Variants in ECPAS observed in about 807,000 individuals in gnomAD.
ECPAS encodes proteasome adapter and scaffold protein ECM29.
ECPAS carries 70 observed loss-of-function variants against 255.1 expected under a neutral mutation model. The ratio of observed to expected loss-of-function variants is 0.27; its 90% CI spans 0.23 to 0.33. The LOEUF (loss-of-function observed/expected upper bound fraction) is 0.33. Ranked by LOEUF, ECPAS falls within the 10% of genes least tolerant of loss-of-function variation. The pLI is 1.00. For synonymous variants in ECPAS, 784 were observed against 775.0 expected (o/e 1.01, Z -0.19); for missense variants, 1,817 against 2,206.4 (o/e 0.82, Z 3.54).
intron 10 of ECPAS, among the ~76,000 whole-genome samples, chr9:111,426,599 C>T (rs2098221979): frequency 6.6e-6 from 1 of 151,414 alleles, no homozygotes; most frequent in Non-Finnish European, 1.5e-5. Flanking sequence ...CTCACACCTA[C>T]AGTCCCAGCT....
At chr9:111,377,608 T>C (rs2098134877) in intron 36 of ECPAS, among the ~76,000 whole-genome samples, 1 of 152,362 alleles carries the variant, frequency 6.6e-6, no homozygotes, top group South Asian at 2.1e-4. Context: ...CGATATACTG[T>C]TAATTTAAAA....
At chr9:111,478,655 T>C (rs188875030) in intron 1 of ECPAS, among the ~76,000 whole-genome samples, 3 of 152,354 alleles carry the variant, frequency 2.0e-5, no homozygotes, top group East Asian at 1.9e-4. Context: ...TAAATTGATA[T>C]GACGTAAATT....
chr9:111,469,059 A>G (rs570091030), intron 2 of ECPAS, among the ~76,000 whole-genome samples: 2 of 152,332 alleles, frequency 1.3e-5, no homozygotes, highest in East Asian at 3.9e-4. Flanking sequence ...AACCCAAATG[A>G]GGCCAGCAGG....
chr9:111,391,766 T>C lies in ECPAS; in HGVS notation c.3151A>G (p.Thr1051Ala), dbSNP rs771812246. 1.2e-6 allele frequency: 2 copies of C among 1,604,120 alleles called. No individual in the cohort carries two copies. Among genetic ancestry groups the C allele is most frequent in the South Asian group, 2.2e-5 (2 of 90,058 alleles). ...VVFQGGALGKTPDGQGLSTYK... is the reference protein window; with the variant it reads ...VVFQGGALGKAPDGQGLSTYK... Reference sequence around the variant, plus strand: ...ATTTAGCATACTTACCCATCTGGTGTTTTGCCAAGAGCTCCCCCTTGAAAT... The same window carrying C: ...ATTTAGCATACTTACCCATCTGGTGCTTTGCCAAGAGCTCCCCCTTGAAAT... Residue 1051 changes from threonine (T) to alanine (A), a missense_variant, in exon 29 of 50, where the codon ACA becomes GCA. Thr to Ala is a moderately conservative substitution (Grantham distance 58). Coordinates refer to ENST00000684092, the MANE Select transcript of ECPAS (RefSeq NM_001364929.1).
At chr9:111,367,441 T>A (rs1371672557) in intron 46 of ECPAS, among the ~76,000 whole-genome samples, 1 of 152,224 alleles carries the variant, frequency 6.6e-6, no homozygotes, top group Non-Finnish European at 1.5e-5. Context: ...CAACCTTCTA[T>A]GTCTTATATT....
rs1313821520 is a variant in ECPAS at position 111,484,168 on chromosome 9, T to TGAGGGCTGTAGAGCGAGGC, written c.-154_-136dup. On this transcript the variant is annotated 5_prime_UTR_variant, in exon 1 of 50. Transcript: ENST00000684092. ...GGACGCTGCGCTCGGCGCCGCGAGG[T>TGAGGGCTGTAGAGCGAGGC]GAGGGCTGTAGAGCGAGGCGTTCGG... 3 of 1,478,014 alleles carry TGAGGGCTGTAGAGCGAGGC rather than the reference T, an allele frequency of 2.0e-6. No individual in the cohort carries two copies. Among genetic ancestry groups the TGAGGGCTGTAGAGCGAGGC allele is most frequent in the Non-Finnish European group, 1.8e-6 (2 of 1,117,246 alleles). 91.6% of individuals were successfully genotyped at this position (1,478,014 alleles called of 1,614,324 possible). A position where few individuals can be genotyped will look rare whatever the true frequency, so the allele number is the denominator to read the frequency against.
chr9:111,484,224 A>T lies in ECPAS; in HGVS notation c.-191T>A. 2 of 1,468,114 alleles carry T rather than the reference A, an allele frequency of 1.4e-6. No individual in the cohort carries two copies. Among genetic ancestry groups the T allele is most frequent in the Non-Finnish European group, 1.8e-6 (2 of 1,114,042 alleles). 90.9% of individuals were successfully genotyped at this position (1,468,114 alleles called of 1,614,324 possible). ...CGGGCCCCGGGGAGCCGCGCGCCGC[A>T]GTCCGTGAGGGGCTGGGCCGAGCGG... On this transcript the variant is annotated 5_prime_UTR_variant, in exon 1 of 50. Coordinates refer to ENST00000684092, the MANE Select transcript of ECPAS (RefSeq NM_001364929.1).
At chr9:111,461,774 A>C (rs947239612) in intron 2 of ECPAS, among the ~76,000 whole-genome samples, 1 of 152,222 alleles carries the variant, frequency 6.6e-6, no homozygotes, top group African/African-American at 2.4e-5. Context: ...CAAAGGAAAG[A>C]GGTTTAATGG....
At chr9:111,418,383 A>G (rs1051574115) in intron 16 of ECPAS, among the ~76,000 whole-genome samples, 3 of 152,202 alleles carry the variant, frequency 2.0e-5, no homozygotes, top group African/African-American at 7.2e-5. Flanking sequence ...CACTCCACCC[A>G]AAGTCTTACA....
chr9:111,477,244 G>T (rs1267159865), intron 1 of ECPAS, among the ~76,000 whole-genome samples: 2 of 151,804 alleles, frequency 1.3e-5, no homozygotes, highest in Non-Finnish European at 2.9e-5. Context: ...AAGAAGCTGG[G>T]ACTACAGGTG....
chr9:111,380,036 T>C (rs747066545), intron 35 of ECPAS, among the ~76,000 whole-genome samples: 1 of 152,230 alleles, frequency 6.6e-6, no homozygotes, highest in African/African-American at 2.4e-5. Flanking sequence ...GCACCTACAA[T>C]GGTAAGCCCT....
chr9:111,426,299 A>G (rs1267149915), intron 10 of ECPAS, among the ~76,000 whole-genome samples: 1 of 152,102 alleles, frequency 6.6e-6, no homozygotes, highest in African/African-American at 2.4e-5. Flanking sequence ...AGCAAGTTCA[A>G]TATTAACCAA....
At chr9:111,395,187 A>G (rs73656242) in intron 25 of ECPAS, among the ~76,000 whole-genome samples, 8,470 of 152,072 alleles carry the variant, frequency 0.056, 568 homozygotes, top group African/African-American at 0.15. Flanking sequence ...TGTAACCACA[A>G]CTCTAGCTGC....
At chr9:111,400,068 A>G (rs2098173418) in intron 24 of ECPAS, among the ~76,000 whole-genome samples, 1 of 152,164 alleles carries the variant, frequency 6.6e-6, no homozygotes, top group African/African-American at 2.4e-5. Flanking sequence ...CACTCCCTCT[A>G]CCTGGGGGAG....
intron 10 of ECPAS, among the ~76,000 whole-genome samples, chr9:111,426,236 G>C (rs2098221372): frequency 6.6e-6 from 1 of 152,094 alleles, no homozygotes; most frequent in African/African-American, 2.4e-5. Flanking sequence ...AAGTATTATG[G>C]AACCACATCT....
At position 111,375,563 on chromosome 9, in the gene ECPAS, C is replaced by T. The variant is rs545526911; in HGVS notation, c.4021-361G>A. ...TATTGATCTTCTACAGTGGGCCTAC[C>T]CTACCAAACCCCCTCTAATGAGTCA... is the stretch of plus-strand genomic sequence containing the variant. On this transcript the variant is annotated intron_variant, in intron 37 of 49. Coordinates refer to ENST00000684092, the MANE Select transcript of ECPAS (RefSeq NM_001364929.1). Among the ~76,000 whole-genome samples, 4 of 152,184 alleles carry T rather than the reference C, an allele frequency of 2.6e-5. No individual in the cohort carries two copies. In the South Asian group the frequency reaches 8.3e-4, roughly 32 times the overall value.
chr9:111,422,231 T>C (rs1488374093), intron 13 of ECPAS, 31 bp from the exon 14 acceptor site: 1 of 1,591,162 alleles, frequency 6.3e-7, no homozygotes, highest in South Asian at 1.1e-5. Flanking sequence ...ATTGTTACTA[T>C]CATAAATTTC....
chr9:111,458,977 T>A (rs1308555879), intron 2 of ECPAS, among the ~76,000 whole-genome samples: 1 of 151,866 alleles, frequency 6.6e-6, no homozygotes, highest in African/African-American at 2.4e-5. Flanking sequence ...CCTGAGGGGG[T>A]CCATGGAGAC....
chr9:111,397,741 T>C (rs965930528), intron 24 of ECPAS, among the ~76,000 whole-genome samples: 2 of 152,206 alleles, frequency 1.3e-5, no homozygotes, highest in Non-Finnish European at 2.9e-5. Flanking sequence ...TTAAATTATA[T>C]GATATCTTGA....
Sources: gnomAD v4.1 joint callset for allele counts (sites outside exome capture counted in the v4.1 genomes callset) on GRCh38, gnomAD v4.1.1 for gene constraint, MANE v1.5 for transcripts, NCBI Gene and HGNC (gene_info 2026-07-23, HGNC 2026-07-21) for gene names.